The following ANO1 variants were observed in gnomAD, a reference collection of about 807,000 sequenced individuals.
The protein encoded by ANO1 is anoctamin 1.
ANO1 carries 59 observed loss-of-function variants against 124.0 expected under a neutral mutation model. The ratio of observed to expected loss-of-function variants is 0.48; its 90% CI spans 0.39 to 0.59. The LOEUF (loss-of-function observed/expected upper bound fraction) is 0.59, where lower values mean the gene tolerates loss of function less well. Ranked by LOEUF, ANO1 falls within the 20% of genes least tolerant of loss-of-function variation. The probability of loss-of-function intolerance (pLI) is 0.00; values close to 1 mark genes in which losing one functional copy is unlikely to be tolerated. For missense variants in ANO1, 1,059 were observed against 1,328.0 expected, an observed-to-expected ratio of 0.80 and a Z score of 3.15; for synonymous variants, 529 against 532.0, an observed-to-expected ratio of 0.99 and a Z score of 0.08.
intron 1 of ANO1, among the ~76,000 whole-genome samples, chr11:70,004,691 G>A (rs1431190720): frequency 1.3e-5 from 2 of 152,356 alleles, no homozygotes; most frequent in Non-Finnish European, 1.5e-5. Context: ...TTGTGTGGCT[G>A]CCCTGCTTTC....
At position 70,179,966 on chromosome 11, in the gene ANO1, G is replaced by T. The variant is rs746519760; in HGVS notation, c.2351-38G>T. On this transcript the variant is annotated intron_variant, in intron 22 of 25. Transcript: ENST00000355303. ...CCTGGTAGCTGGAATGACTGAGAGT[G>T]TAGGGCTCTTTAAAACTGTGACTTC... 1.9e-6 allele frequency: 3 copies of T among 1,586,466 alleles called. No individual in the cohort carries two copies. The Admixed American group carries it at 5.0e-5, about 26-fold the overall frequency.
chr11:70,044,424 CA>C (rs1555005359), intron 1 of ANO1, among the ~76,000 whole-genome samples: 2 of 152,034 alleles, frequency 1.3e-5, no homozygotes, highest in Non-Finnish European at 2.9e-5. Flanking sequence ...CTCAAAGGGA[CA>C]AAGAAGTCAG....
chr11:70,174,742 C>T (rs942102950), intron 22 of ANO1, among the ~76,000 whole-genome samples: 2 of 152,034 alleles, frequency 1.3e-5, no homozygotes, highest in Admixed American at 6.5e-5. Flanking sequence ...CTCCTGCATG[C>T]GTAGAGGGTT....
chr11:70,111,640 G>A (rs2045784146), intron 6 of ANO1, 67 bp from the exon 7 acceptor site: 2 of 1,519,418 alleles, frequency 1.3e-6, no homozygotes, highest in East Asian at 2.3e-5. Context: ...TGTGACCGCT[G>A]TGACTTTACA....
the ANO1 span, among the ~76,000 whole-genome samples, chr11:69,969,602 T>C: frequency 3.3e-5 from 5 of 152,068 alleles, no homozygotes; most frequent in Non-Finnish European, 7.4e-5. Context: ...AGTTGTGAAA[T>C]GCGGCTGCCG....
At chr11:69,975,081 C>T in the ANO1 span, among the ~76,000 whole-genome samples, 1 of 152,168 alleles carries the variant, frequency 6.6e-6, no homozygotes, top group South Asian at 2.1e-4. Flanking sequence ...AACCCCACAA[C>T]CGCACGTGGC....
intron 1 of ANO1, among the ~76,000 whole-genome samples, chr11:70,047,078 C>T: frequency 1.8e-5 from 1 of 54,444 alleles, no homozygotes; most frequent in South Asian, 7.3e-4. Context: ...GAGACTCTGT[C>T]TCAAAAAAAA....
At chr11:69,985,718 C>A (rs1341498256), upstream of ANO1, among the ~76,000 whole-genome samples, 2 of 152,152 alleles carry the variant, frequency 1.3e-5, no homozygotes, top group Non-Finnish European at 2.9e-5. Context: ...CCCCGCGCAG[C>A]GGGAGGCCGG....
At chr11:69,970,077 G>A in the ANO1 span, among the ~76,000 whole-genome samples, 10 of 152,318 alleles carry the variant, frequency 6.6e-5, no homozygotes, top group Non-Finnish European at 1.5e-4. Context: ...TGCAATTGCA[G>A]GGGTGAGGGT....
chr11:70,067,527 C>T (rs1857761272), intron 1 of ANO1, among the ~76,000 whole-genome samples: 1 of 152,144 alleles, frequency 6.6e-6, no homozygotes, highest in Non-Finnish European at 1.5e-5. Flanking sequence ...GGGGTTTCAC[C>T]ATGTTGGCCA....
upstream of ANO1, among the ~76,000 whole-genome samples, chr11:69,981,741 T>G (rs4980706): frequency 1.7e-4 from 26 of 152,078 alleles, no homozygotes; most frequent in African/African-American, 6.3e-4. Context: ...CAGGCGCCTT[T>G]GTGGGCTCTC....
intron 2 of ANO1, among the ~76,000 whole-genome samples, chr11:70,098,255 G>C (rs975083677): frequency 1.3e-5 from 2 of 152,224 alleles, no homozygotes; most frequent in Non-Finnish European, 2.9e-5. Flanking sequence ...GGGAAACGGG[G>C]ATTTGTCCAG....
intron 2 of ANO1, among the ~76,000 whole-genome samples, chr11:70,101,478 C>T (rs1237738205): frequency 1.3e-5 from 2 of 150,274 alleles, no homozygotes; most frequent in African/African-American, 2.5e-5. Flanking sequence ...ATCGCTTGAA[C>T]TCAGGAGGTG....
intron 11 of ANO1, among the ~76,000 whole-genome samples, chr11:70,147,673 T>A (rs1333236351): frequency 1.3e-5 from 2 of 152,200 alleles, no homozygotes; most frequent in Non-Finnish European, 2.9e-5. Context: ...CCCATCTCCC[T>A]CCACTTCCTG....
intron 1 of ANO1, among the ~76,000 whole-genome samples, chr11:70,019,347 C>T (rs1215810601): frequency 6.7e-6 from 1 of 149,736 alleles, no homozygotes; most frequent in East Asian, 1.9e-4. Context: ...CACACATGCA[C>T]ACACGCATGC....
intron 9 of ANO1, 24 bp from the exon 10 acceptor site, chr11:70,126,037 C>G: frequency 1.3e-6 from 2 of 1,594,634 alleles, no homozygotes; most frequent in Non-Finnish European, 1.7e-6. Flanking sequence ...GTGGGCTTGA[C>G]TCTGCTCTGC....
At chr11:70,152,048 T>G (rs2047619944) in intron 12 of ANO1, among the ~76,000 whole-genome samples, 1 of 152,106 alleles carries the variant, frequency 6.6e-6, no homozygotes, top group Admixed American at 6.5e-5. Context: ...AAGAAAGTTG[T>G]CTTTAGGACC....
At chr11:69,970,608 A>C in the ANO1 span, among the ~76,000 whole-genome samples, 1 of 152,094 alleles carries the variant, frequency 6.6e-6, no homozygotes, top group Non-Finnish European at 1.5e-5. Context: ...CTGTTTTTTC[A>C]TGTCTGTCAT....
At chr11:70,064,779 T>G (rs1387190711) in intron 1 of ANO1, 5 of 152,258 alleles carry the variant, frequency 3.3e-5, no homozygotes, top group African/African-American at 1.2e-4. Flanking sequence ...TTAGTATGAG[T>G]TTGATCCATA....
Sources: gnomAD v4.1 joint callset for allele counts (sites outside exome capture counted in the v4.1 genomes callset) on GRCh38, gnomAD v4.1.1 for gene constraint, MANE v1.5 for transcripts, NCBI Gene and HGNC (gene_info 2026-07-23, HGNC 2026-07-21) for gene names.